RYR2: variants seen among roughly 807,000 people sequenced by gnomAD.
RYR2 encodes cardiac muscle ryanodine receptor-calcium release channel.
A neutral mutation model predicts 601.1 loss-of-function variants in RYR2; 227 were observed. The ratio of observed to expected loss-of-function variants is 0.38; its 90% CI spans 0.34 to 0.42. The LOEUF is 0.42. Ranked by LOEUF, RYR2 falls within the 10% of genes least tolerant of loss-of-function variation. RYR2 has a pLI of 1.00. For synonymous variants in RYR2, 2,223 were observed against 2,175.1 expected (o/e 1.02, Z -0.61); for missense variants, 4,646 against 6,156.5 (o/e 0.75, Z 8.21).
intron 24 of RYR2, among the ~76,000 whole-genome samples, chr1:237,526,353 C>CT (rs775614018): frequency 0.019 from 2,731 of 144,336 alleles, 26 homozygotes; most frequent in Non-Finnish European, 0.024. Flanking sequence ...CTTTTCTTTT[C>CT]TTTTTTTTTT....
At chr1:237,612,818 A>G in intron 36 of RYR2, among the ~76,000 whole-genome samples, 1 of 152,202 alleles carries the variant, frequency 6.6e-6, no homozygotes, top group East Asian at 1.9e-4. Context: ...TCAGTAGTTT[A>G]TATTAATTGC....
At chr1:237,388,636 C>T (rs942320517) in intron 10 of RYR2, among the ~76,000 whole-genome samples, 4 of 152,162 alleles carry the variant, frequency 2.6e-5, no homozygotes, top group African/African-American at 9.7e-5. Flanking sequence ...TGATCACTTT[C>T]TCTCATATTT....
intron 1 of RYR2, among the ~76,000 whole-genome samples, chr1:237,059,775 T>C (rs552145220): frequency 9.7e-4 from 147 of 152,310 alleles, no homozygotes; most frequent in Middle Eastern, 3.4e-3. Flanking sequence ...GCCATAAATA[T>C]TGGATTGACC....
In RYR2 at chr1:237,593,020, C is replaced by CAAA. The variant is rs34581689; in HGVS notation, c.4276-441_4276-439dup. 7.0e-5 allele frequency among the ~76,000 whole-genome samples: 8 copies of CAAA among 113,850 alleles called. No individual in the cohort carries two copies. In the South Asian group the frequency reaches 2.4e-3, roughly 35 times the overall value. The allele number at this position is 113,850 out of a possible 152,430, so 74.7% of individuals were successfully genotyped here. ...TGGGTGACAGAGTGAGAGTCTATCTCAAAAAAAAAAAAAAAAAGTGAACAT... is the reference window on the plus strand; with the variant it reads ...TGGGTGACAGAGTGAGAGTCTATCTCAAAAAAAAAAAAAAAAAAAAGTGAACAT... On this transcript the variant is annotated intron_variant, in intron 32 of 104. Coordinates refer to ENST00000366574, the MANE Select transcript of RYR2 (RefSeq NM_001035.3).
At position 237,372,084 on chromosome 1, in the gene RYR2, A is replaced by G. The variant is rs533787561; in HGVS notation, c.384+2476A>G. Among the ~76,000 whole-genome samples, 4 of 152,332 alleles carry G rather than the reference A, an allele frequency of 2.6e-5. No homozygotes were observed. The East Asian group carries it at 7.7e-4, about 29-fold the overall frequency. ...ATAAAAATAAAAAATACCACTATCCAACAAGGGCACACAAATTTTCAATCT... is the reference window on the plus strand; with the variant it reads ...ATAAAAATAAAAAATACCACTATCCGACAAGGGCACACAAATTTTCAATCT... On this transcript the variant is annotated intron_variant, in intron 6 of 104. Coordinates refer to ENST00000366574, the MANE Select transcript of RYR2 (RefSeq NM_001035.3).
chr1:237,812,797 A>G (rs991415733), intron 100 of RYR2, among the ~76,000 whole-genome samples: 3 of 150,240 alleles, frequency 2.0e-5, no homozygotes, highest in African/African-American at 4.9e-5. Context: ...CCTTTCTATC[A>G]CCCCCTGATT....
chr1:237,088,410 A>G (rs1666594870), intron 1 of RYR2, among the ~76,000 whole-genome samples: 1 of 152,212 alleles, frequency 6.6e-6, no homozygotes, highest in South Asian at 2.1e-4. Flanking sequence ...AGACTAAACC[A>G]TATTTACAAG....
intron 10 of RYR2, among the ~76,000 whole-genome samples, chr1:237,392,489 G>A (rs1702468468): frequency 2.0e-5 from 3 of 152,036 alleles, no homozygotes; most frequent in South Asian, 2.1e-4. Context: ...AACTTAAATA[G>A]GCTTTCATTC....
At chr1:237,780,412 T>A (rs1268981790) in intron 88 of RYR2, among the ~76,000 whole-genome samples, 1 of 152,212 alleles carries the variant, frequency 6.6e-6, no homozygotes, top group Non-Finnish European at 1.5e-5. Flanking sequence ...CTAGCACTTG[T>A]TCATGGTTTA....
chr1:237,757,684 T>C lies in RYR2; in HGVS notation c.11246-13T>C. The C allele has an allele frequency of 6.4e-7, 1 of 1,573,428 alleles. No individual in the cohort carries two copies. Among genetic ancestry groups the C allele is most frequent in the South Asian group, 1.1e-5 (1 of 90,262 alleles). On this transcript the variant is annotated splice_polypyrimidine_tract_variant and intron_variant, in intron 81 of 104. Coordinates refer to ENST00000366574, the MANE Select transcript of RYR2 (RefSeq NM_001035.3). ...AAATGATATAAGGAACACTACTTTT[T>C]TATATTTCTTAGGTGAAACTGGACC...
chr1:237,692,595 G>C (rs2148992083), intron 63 of RYR2, among the ~76,000 whole-genome samples: 1 of 152,126 alleles, frequency 6.6e-6, no homozygotes, highest in African/African-American at 2.4e-5. Flanking sequence ...AGCTTCCTTG[G>C]CCTTCTCTCT....
At chr1:237,728,081 A>G (rs552123239) in intron 76 of RYR2, among the ~76,000 whole-genome samples, 2 of 152,112 alleles carry the variant, frequency 1.3e-5, no homozygotes, top group Non-Finnish European at 2.9e-5. Flanking sequence ...TCTTTGATTC[A>G]GACTTTGAGA....
chr1:237,299,495 C>T (rs2149448307), intron 2 of RYR2, among the ~76,000 whole-genome samples: 1 of 152,258 alleles, frequency 6.6e-6, no homozygotes, highest in South Asian at 2.1e-4. Context: ...AGAGAAAATT[C>T]TCAATACTGT....
chr1:237,410,775 C>G (rs1164854591), intron 10 of RYR2, among the ~76,000 whole-genome samples: 1 of 152,044 alleles, frequency 6.6e-6, no homozygotes, highest in East Asian at 1.9e-4. Context: ...GTTCTCGAGA[C>G]AGTGGATCCC....
chr1:237,107,281 G>GGAGGCT (rs2148557719), intron 1 of RYR2, among the ~76,000 whole-genome samples: 1 of 151,852 alleles, frequency 6.6e-6, no homozygotes, highest in African/African-American at 2.4e-5. Flanking sequence ...GTAGGTTCTG[G>GGAGGCT]GAGGCTGAGG....
intron 1 of RYR2, among the ~76,000 whole-genome samples, chr1:237,087,067 C>T (rs746431792): frequency 2.6e-5 from 4 of 152,122 alleles, no homozygotes; most frequent in South Asian, 2.1e-4. Context: ...ATTCTCAGCA[C>T]GCGCAAGTGA....
chr1:237,284,486 A>C (rs1691257969), intron 2 of RYR2, among the ~76,000 whole-genome samples: 1 of 96,952 alleles, frequency 1.0e-5, no homozygotes, highest in South Asian at 3.6e-4. Context: ...ACATATATAT[A>C]ATATATAAAA....
intron 2 of RYR2, among the ~76,000 whole-genome samples, chr1:237,286,812 T>C (rs796138937): frequency 3.3e-5 from 5 of 152,170 alleles, no homozygotes; most frequent in African/African-American, 7.2e-5. Context: ...ATGTTAGTAT[T>C]GAAATGTGAG....
intron 1 of RYR2, among the ~76,000 whole-genome samples, chr1:237,188,403 G>C (rs1679598736): frequency 6.6e-6 from 1 of 152,094 alleles, no homozygotes; most frequent in Admixed American, 6.6e-5. Context: ...CAGGCTTGGG[G>C]CGTGACCTCA....
Sources: allele counts gnomAD v4.1 joint callset (sites outside exome capture counted in the v4.1 genomes callset), GRCh38; gene constraint gnomAD v4.1.1; transcripts MANE v1.5; gene names NCBI Gene and HGNC (gene_info 2026-07-23, HGNC 2026-07-21).